Variants in FANK1 observed in about 807,000 individuals in gnomAD.
FANK1 encodes fibronectin type 3 and ankyrin repeat domains protein 1.
A neutral mutation model predicts 45.3 loss-of-function variants in FANK1; 44 were observed. That is an observed-to-expected ratio of 0.97 (90% CI 0.76 to 1.25). The LOEUF (loss-of-function observed/expected upper bound fraction) is 1.25. Among genes scored for constraint, FANK1 ranks in the 50% most tolerant of loss-of-function variants. The pLI is 0.00. For synonymous variants in FANK1, 149 were observed against 152.5 expected (o/e 0.98, Z 0.17); for missense variants, 391 against 424.4 (o/e 0.92, Z 0.69).
intron 1 of FANK1, among the ~76,000 whole-genome samples, chr10:125,946,093 C>G (rs1334362540): frequency 6.6e-6 from 1 of 152,218 alleles, no homozygotes; most frequent in African/African-American, 2.4e-5. Context: ...ACATCCACAT[C>G]GAAAACCCAT....
chr10:125,944,653 G>A (rs777689337), intron 1 of FANK1, among the ~76,000 whole-genome samples: 2 of 152,206 alleles, frequency 1.3e-5, no homozygotes, highest in African/African-American at 4.8e-5. Flanking sequence ...CCTGCCCAGG[G>A]TGGAAAACCG....
chr10:125,952,643 C>G (rs1354697504), intron 1 of FANK1, among the ~76,000 whole-genome samples: 1 of 151,858 alleles, frequency 6.6e-6, no homozygotes, highest in African/African-American at 2.4e-5. Context: ...TGAAAATGTT[C>G]CTCGATGTCT....
chr10:125,937,558 G>A (rs1027034973), intron 1 of FANK1, among the ~76,000 whole-genome samples: 1 of 152,164 alleles, frequency 6.6e-6, no homozygotes, highest in Non-Finnish European at 1.5e-5. Flanking sequence ...CCATATGAAG[G>A]AGTCTGATGG....
intron 1 of FANK1, among the ~76,000 whole-genome samples, chr10:125,976,654 G>A (rs964502404): frequency 4.7e-5 from 7 of 150,444 alleles, no homozygotes; most frequent in East Asian, 3.9e-4. Flanking sequence ...ACGGAATCTC[G>A]CTCTGTCACC....
At chr10:125,923,190 G>A (rs1947067348) in intron 1 of FANK1, among the ~76,000 whole-genome samples, 1 of 151,608 alleles carries the variant, frequency 6.6e-6, no homozygotes, top group Non-Finnish European at 1.5e-5. Flanking sequence ...CAAGTATGGT[G>A]GCTTATGCCT....
At chr10:125,991,890 G>A (rs780640472) in intron 3 of FANK1, among the ~76,000 whole-genome samples, 13 of 152,062 alleles carry the variant, frequency 8.5e-5, no homozygotes, top group Admixed American at 2.0e-4. Flanking sequence ...GAACATGAGC[G>A]ATGGCTTCCT....
intron 1 of FANK1, among the ~76,000 whole-genome samples, chr10:125,966,000 C>T (rs760540829): frequency 4.6e-5 from 7 of 152,172 alleles, no homozygotes; most frequent in Non-Finnish European, 1.0e-4. Context: ...GAGAGGGAGG[C>T]AGGACAGGTA....
At chr10:126,004,607 G>C in intron 6 of FANK1, 1 of 360,944 alleles carries the variant, frequency 2.8e-6, no homozygotes, top group Non-Finnish European at 5.2e-6. Context: ...CGTATAAATG[G>C]AATCAGACAA....
chr10:125,963,636 C>T (rs886431861), intron 1 of FANK1, among the ~76,000 whole-genome samples: 29 of 152,070 alleles, frequency 1.9e-4, no homozygotes, highest in African/African-American at 4.8e-4. Flanking sequence ...AGCAAACTAT[C>T]GCAAGGACAA....
chr10:125,951,872 A>G (rs1385057739), intron 1 of FANK1, among the ~76,000 whole-genome samples: 1 of 152,204 alleles, frequency 6.6e-6, no homozygotes. Flanking sequence ...GCATTTAAAA[A>G]CTGCCACTGT....
intron 1 of FANK1, among the ~76,000 whole-genome samples, chr10:125,905,837 C>A (rs1288791023): frequency 6.6e-6 from 1 of 152,306 alleles, no homozygotes; most frequent in Non-Finnish European, 1.5e-5. Flanking sequence ...GTGGGAGGAT[C>A]ACTTGAGGCC....
chr10:125,945,215 A>AC (rs1474576994), intron 1 of FANK1, among the ~76,000 whole-genome samples: 2 of 152,228 alleles, frequency 1.3e-5, no homozygotes, highest in African/African-American at 4.8e-5. Context: ...GTTAAAAAAA[A>AC]TTTAATAAGA....
At chr10:125,988,842 T>C in intron 3 of FANK1, 167 bp downstream of exon 3, 1 of 1,057,440 alleles carries the variant, frequency 9.5e-7, no homozygotes. Context: ...TAACTTGTAA[T>C]GTCAGGGAAG....
chr10:125,931,641 T>G (rs1364921168), intron 1 of FANK1, among the ~76,000 whole-genome samples: 1 of 152,172 alleles, frequency 6.6e-6, no homozygotes, highest in African/African-American at 2.4e-5. Flanking sequence ...TGTGAAGATT[T>G]TCTCCCACTC....
intron 1 of FANK1, among the ~76,000 whole-genome samples, chr10:125,971,890 G>A (rs1950542850): frequency 1.3e-5 from 2 of 152,284 alleles, no homozygotes; most frequent in Non-Finnish European, 2.9e-5. Context: ...CGAAAGTAAA[G>A]TGCTGGGATT....
intron 3 of FANK1, among the ~76,000 whole-genome samples, chr10:125,991,278 T>TGTGTGTGTGTGTGTGTG (rs60170742): frequency 2.7e-5 from 4 of 147,072 alleles, no homozygotes; most frequent in South Asian, 2.1e-4. Context: ...TGTGTGTGTG[T>TGTGTGTGTGTGTGTGTG]TGGGGGAGTG....
chr10:125,939,848 C>T (rs1186768874), intron 1 of FANK1, among the ~76,000 whole-genome samples: 1 of 151,832 alleles, frequency 6.6e-6, no homozygotes, highest in Non-Finnish European at 1.5e-5. Flanking sequence ...TAACATCATG[C>T]TTTAAGGTAG....
chr10:125,959,713 T>C (rs557357848), intron 1 of FANK1, among the ~76,000 whole-genome samples: 10 of 152,214 alleles, frequency 6.6e-5, no homozygotes, highest in African/African-American at 9.6e-5. Context: ...ATTTAGAAAT[T>C]GTAAATTCAT....
At chr10:125,903,123 G>T (rs1487905245) in intron 1 of FANK1, among the ~76,000 whole-genome samples, 1,883 of 130,976 alleles carry the variant, frequency 0.014, no homozygotes, top group Non-Finnish European at 0.022. Flanking sequence ...ACCAAACATG[G>T]TCTCCAGATG....
Sources: allele counts gnomAD v4.1 joint callset (sites outside exome capture counted in the v4.1 genomes callset), GRCh38; gene constraint gnomAD v4.1.1; transcripts MANE v1.5; gene names NCBI Gene and HGNC (gene_info 2026-07-23, HGNC 2026-07-21).